Variants in FMN2 observed in about 807,000 individuals in gnomAD.
The protein encoded by FMN2 is formin-2.
Under a neutral mutation model 142.3 loss-of-function variants are expected in FMN2, and 51 were observed. The ratio of observed to expected loss-of-function variants is 0.36; its 90% confidence interval spans 0.29 to 0.45. The LOEUF (loss-of-function observed/expected upper bound fraction) is 0.45. FMN2 is among the 20% of genes least tolerant of loss of function. The pLI is 1.00. For synonymous variants in FMN2, 882 were observed against 869.8 expected, an observed-to-expected ratio of 1.01 and a Z score of -0.25; for missense variants, 1,936 against 2,122.8, an observed-to-expected ratio of 0.91 and a Z score of 1.73.
rs149263833 is a variant in FMN2 at position 240,237,332 on chromosome 1, A to G, written c.4066-20613A>G. Among the ~76,000 whole-genome samples the G allele has an allele frequency of 5.5e-3, 836 of 152,300 alleles. 8 individuals are homozygous for G. The highest frequency in any genetic ancestry group is 0.02 in the African/African-American group (821 of 41,562). ...TTTAAGAGCTGCTTACAGTTGTTCA[A>G]GTCAGCCTTGACTCAGCTCTGCATA... On this transcript the variant is annotated intron_variant, in intron 6 of 17. Coordinates refer to ENST00000319653, the MANE Select transcript of FMN2 (RefSeq NM_020066.5).
intron 3 of FMN2, among the ~76,000 whole-genome samples, chr1:240,186,999 G>A (rs1665491837): frequency 6.6e-6 from 1 of 151,878 alleles, no homozygotes; most frequent in Non-Finnish European, 1.5e-5. Context: ...GAGCACGGTG[G>A]CTCATGCCTG....
At chr1:240,230,006 C>T (rs1667484076) in intron 6 of FMN2, among the ~76,000 whole-genome samples, 1 of 128,404 alleles carries the variant, frequency 7.8e-6, no homozygotes, top group Non-Finnish European at 1.6e-5. Context: ...GTAGTATAAA[C>T]CTTGCTAACC....
chr1:240,149,549 G>A (rs1663674056), intron 2 of FMN2, among the ~76,000 whole-genome samples: 1 of 152,134 alleles, frequency 6.6e-6, no homozygotes, highest in Non-Finnish European at 1.5e-5. Flanking sequence ...TTTTTGGCAT[G>A]TTTCTAAGCT....
At position 240,216,943 on chromosome 1, in the gene FMN2, C is replaced by T. The variant is rs575852014; in HGVS notation, c.4065+5708C>T. Among the ~76,000 whole-genome samples the T allele has an allele frequency of 2.0e-4, 28 of 137,218 alleles. No homozygotes were observed. In the East Asian group the frequency reaches 4.1e-3, roughly 20 times the overall value. 90.0% of individuals were successfully genotyped at this position (137,218 alleles called of 152,430 possible). A position where few individuals can be genotyped will look rare whatever the true frequency, so the allele number is the denominator to read the frequency against. ...CAGCCTGGGCAACAGAGCGAGACTC[C>T]GTCTCAAAAAAAAAAAAAGTTATAA... On this transcript the variant is annotated intron_variant, in intron 6 of 17. Transcript: ENST00000319653.
At chr1:240,180,565 C>CAT (rs1665105852) in intron 3 of FMN2, among the ~76,000 whole-genome samples, 1 of 108,112 alleles carries the variant, frequency 9.2e-6, no homozygotes, top group African/African-American at 3.9e-5. Context: ...ACACATGACC[C>CAT]CTTTTTTTTT....
rs767908331 is a variant in FMN2 at position 240,206,993 on chromosome 1, G to A, written c.2181G>A (p.Arg727=). 9.9e-6 allele frequency: 16 copies of A among 1,614,058 alleles called. No individual in the cohort carries two copies. Among genetic ancestry groups the A allele is most frequent in the Non-Finnish European group, 1.4e-5 (16 of 1,180,030 alleles). Residue 727 remains arginine (R), a synonymous_variant, in exon 5 of 18, where the codon AGG becomes AGA. Transcript: ENST00000319653. Reference sequence around the variant, plus strand: ...GCGATGTCTGTCTCGAAGCTCTCAGGTTAGAAGAAAAGGAAGTACGGCATC... The same window carrying A: ...GCGATGTCTGTCTCGAAGCTCTCAGATTAGAAGAAAAGGAAGTACGGCATC... The part of the protein sequence containing the change: ...ASGDVCLEAL[R]LEEKEVRHHR...
At position 240,123,224 on chromosome 1, in the gene FMN2, C is replaced by A. The variant is rs772078312; in HGVS notation, c.1661C>A (p.Pro554His). The change falls in exon 2 of 18, where the codon CCT becomes CAT. Residue 554 changes from proline to histidine, a missense_variant. This residue lies in a region of FMN2 where 751 missense variants were observed against 791.8 expected (regional missense o/e 0.95). Coordinates refer to ENST00000319653, the MANE Select transcript of FMN2 (RefSeq NM_020066.5). ...CTGTTCAGCCAGCAGGAGAACGGGC[C>A]TCCAGAAGAAGCAGAGAAGTTTTGC... Reference protein sequence around the residue: ...EKLFSQQENGPPEEAEKFCSR... With the variant: ...EKLFSQQENGHPEEAEKFCSR... The A allele has an allele frequency of 1.9e-6, 3 of 1,614,168 alleles. No homozygotes were observed. In the Admixed American group the frequency reaches 5.0e-5, roughly 27 times the overall value.
intron 15 of FMN2, among the ~76,000 whole-genome samples, chr1:240,418,430 C>T (rs1020314208): frequency 3.1e-4 from 47 of 151,792 alleles, no homozygotes; most frequent in African/African-American, 1.1e-3. Flanking sequence ...CTCCTGACCT[C>T]GTGATCCCCT....
intron 14 of FMN2, among the ~76,000 whole-genome samples, chr1:240,362,362 G>T (rs1322143083): frequency 1.3e-5 from 2 of 152,164 alleles, no homozygotes; most frequent in Non-Finnish European, 2.9e-5. Flanking sequence ...TTAATCTCCA[G>T]ATGGTCATTC....
chr1:240,234,514 G>C (rs1167884001), intron 6 of FMN2, among the ~76,000 whole-genome samples: 7 of 152,178 alleles, frequency 4.6e-5, no homozygotes, highest in Admixed American at 4.6e-4. Flanking sequence ...AATCCAGTCT[G>C]AGTTTGCATG....
chr1:240,131,035 A>C (rs1318880848), intron 2 of FMN2, among the ~76,000 whole-genome samples: 1 of 152,036 alleles, frequency 6.6e-6, no homozygotes, highest in African/African-American at 2.4e-5. Context: ...AAATTATTGG[A>C]GCTTAGTGGT....
chr1:240,279,381 A>C (rs1669321317), intron 7 of FMN2, among the ~76,000 whole-genome samples: 1 of 152,180 alleles, frequency 6.6e-6, no homozygotes, highest in Admixed American at 6.5e-5. Context: ...TGGATACTTA[A>C]AGCAATGAAG....
At chr1:240,305,038 C>T (rs897517548) in intron 8 of FMN2, among the ~76,000 whole-genome samples, 11 of 152,130 alleles carry the variant, frequency 7.2e-5, no homozygotes, top group Non-Finnish European at 1.0e-4. Context: ...AGAATCCTTT[C>T]TGGGGTTTCT....
chr1:240,167,147 A>G (rs1467176892), intron 2 of FMN2, among the ~76,000 whole-genome samples: 1 of 152,170 alleles, frequency 6.6e-6, no homozygotes, highest in Non-Finnish European at 1.5e-5. Flanking sequence ...CAAAAAACAA[A>G]AAAAACCAAA....
At chr1:240,356,713 G>A (rs551560551) in intron 14 of FMN2, among the ~76,000 whole-genome samples, 3 of 152,288 alleles carry the variant, frequency 2.0e-5, no homozygotes, top group East Asian at 3.9e-4. Context: ...CCTAGAGGCT[G>A]ACATGGCTTG....
intron 13 of FMN2, among the ~76,000 whole-genome samples, 198 bp downstream of exon 13, chr1:240,334,427 T>G (rs1671493597): frequency 1.3e-5 from 2 of 152,260 alleles, no homozygotes; most frequent in South Asian, 4.1e-4. Flanking sequence ...AAAATTTGGT[T>G]ATTAAGTAAT....
At chr1:240,319,487 A>G (rs1298077610) in intron 8 of FMN2, among the ~76,000 whole-genome samples, 1 of 152,260 alleles carries the variant, frequency 6.6e-6, no homozygotes, top group Non-Finnish European at 1.5e-5. Flanking sequence ...AAACAAAACT[A>G]GTATTTCCAA....
At chr1:240,357,325 T>C (rs1035941807) in intron 14 of FMN2, among the ~76,000 whole-genome samples, 1 of 152,198 alleles carries the variant, frequency 6.6e-6, no homozygotes, top group Non-Finnish European at 1.5e-5. Context: ...TGATTTATTA[T>C]ATAATATTTT....
intron 14 of FMN2, among the ~76,000 whole-genome samples, chr1:240,391,373 G>A (rs1228892738): frequency 1.3e-5 from 2 of 152,116 alleles, no homozygotes; most frequent in Non-Finnish European, 2.9e-5. Context: ...TGTGTTGTAA[G>A]TAGTGATAAA....
Sources: allele counts gnomAD v4.1 joint callset (sites outside exome capture counted in the v4.1 genomes callset), GRCh38; gene constraint gnomAD v4.1.1; regional missense constraint gnomAD v4.1.1; transcripts MANE v1.5; gene names NCBI Gene and HGNC (gene_info 2026-07-23, HGNC 2026-07-21).